Variants in GTF2IRD1 observed in about 807,000 individuals in gnomAD.
The protein encoded by GTF2IRD1 is GTF2I repeat domain containing 1.
Under a neutral mutation model 113.2 loss-of-function variants are expected in GTF2IRD1, and 26 were observed. The observed-to-expected ratio is 0.23, with a 90% CI of 0.17 to 0.32. The LOEUF (loss-of-function observed/expected upper bound fraction) is 0.32, where lower values mean the gene tolerates loss of function less well. Among genes scored for constraint, GTF2IRD1 ranks in the 10% least tolerant of loss-of-function variants. GTF2IRD1 has a pLI of 1.00. For missense variants in GTF2IRD1, 864 were observed against 1,280.8 expected (o/e 0.67, Z 4.97); for synonymous variants, 484 against 529.1 (o/e 0.91, Z 1.17).
intron 25 of GTF2IRD1, among the ~76,000 whole-genome samples, chr7:74,598,550 C>T (rs1351186239): frequency 1.3e-5 from 2 of 151,526 alleles, no homozygotes; most frequent in Non-Finnish European, 2.9e-5. Context: ...CAGGAAGCGG[C>T]GGTTGCAGTG....
At chr7:74,596,917 C>T (rs1185542038) in intron 25 of GTF2IRD1, among the ~76,000 whole-genome samples, 3 of 152,122 alleles carry the variant, frequency 2.0e-5, no homozygotes, top group Non-Finnish European at 4.4e-5. Context: ...AAAAATTAGC[C>T]AGGCATGGTA....
chr7:74,513,288 G>A (rs1327641002), intron 3 of GTF2IRD1, among the ~76,000 whole-genome samples: 1 of 152,148 alleles, frequency 6.6e-6, no homozygotes, highest in Non-Finnish European at 1.5e-5. Flanking sequence ...AGGACCAAAT[G>A]CACTTATGCC....
At chr7:74,536,832 C>T (rs1427246786) in intron 11 of GTF2IRD1, among the ~76,000 whole-genome samples, 4 of 151,880 alleles carry the variant, frequency 2.6e-5, no homozygotes, top group Non-Finnish European at 5.9e-5. Context: ...CACACCAGGC[C>T]GGACTTGGTG....
rs1243826177 is a variant in GTF2IRD1, at chr7:74,528,803, G to GTGGATGGA, written c.1091-896_1091-889dup. 3.2e-3 allele frequency among the ~76,000 whole-genome samples: 162 copies of GTGGATGGA among 51,398 alleles called. 1 individual carries two copies. Among genetic ancestry groups the GTGGATGGA allele is most frequent in the African/African-American group, 7.1e-3 (85 of 11,958 alleles). The allele number at this position is 51,398 out of a possible 152,430, so 33.7% of individuals were successfully genotyped here. On this transcript the variant is annotated intron_variant, in intron 8 of 26. Transcript: ENST00000424337. ...GATATACAGCCGGGTGGGTGGGTGG[G>GTGGATGGA]TGGATGGATGGATGGATGGATGGAT...
intron 1 of GTF2IRD1, among the ~76,000 whole-genome samples, chr7:74,458,658 CTT>C (rs71094791): frequency 3.0e-3 from 418 of 139,880 alleles, no homozygotes; most frequent in Middle Eastern, 3.7e-3. Context: ...ACCCCCCTTT[CTT>C]TTTTTTTTTT....
At chr7:74,510,796 C>T (rs1247194142) in intron 2 of GTF2IRD1, among the ~76,000 whole-genome samples, 1 of 151,974 alleles carries the variant, frequency 6.6e-6, no homozygotes, top group Non-Finnish European at 1.5e-5. Flanking sequence ...CGCATATAAT[C>T]CCAGCACCCT....
At chr7:74,576,459 G>T (rs1801070645) in intron 22 of GTF2IRD1, among the ~76,000 whole-genome samples, 1 of 150,584 alleles carries the variant, frequency 6.6e-6, no homozygotes, top group Admixed American at 6.6e-5. Flanking sequence ...TACTCGGGAG[G>T]CTGAGGCAAG....
intron 9 of GTF2IRD1, among the ~76,000 whole-genome samples, chr7:74,534,509 G>A (rs1354890149): frequency 2.0e-5 from 3 of 152,128 alleles, no homozygotes; most frequent in Non-Finnish European, 4.4e-5. Flanking sequence ...GGCTGAGGGA[G>A]GAGAATCCCT....
At chr7:74,594,060 A>G (rs1398809362) in intron 24 of GTF2IRD1, among the ~76,000 whole-genome samples, 2 of 149,720 alleles carry the variant, frequency 1.3e-5, no homozygotes, top group Non-Finnish European at 3.0e-5. Flanking sequence ...TTAGCCGGGC[A>G]TGGTGGTACA....
At position 74,596,231 on chromosome 7, in the gene GTF2IRD1, G is replaced by T. The variant is rs149850211; in HGVS notation, c.2629+1180G>T. ...AATCCCAGCACTTTGGAAGGCTGAG[G>T]TGGGTGGATCACCTGAGGTCAAGAG... On this transcript the variant is annotated intron_variant, in intron 25 of 26. Coordinates refer to ENST00000424337, the MANE Select transcript of GTF2IRD1 (RefSeq NM_005685.4). 3.3e-5 allele frequency among the ~76,000 whole-genome samples: 5 copies of T among 152,250 alleles called. No individual in the cohort carries two copies. In the East Asian group the frequency reaches 9.7e-4, roughly 29 times the overall value.
intron 1 of GTF2IRD1, among the ~76,000 whole-genome samples, chr7:74,471,622 GT>G (rs1296488802): frequency 7.6e-6 from 1 of 130,858 alleles, no homozygotes; most frequent in East Asian, 2.6e-4. Flanking sequence ...ACCAAACTAT[GT>G]TTACTGGGTA....
chr7:74,602,559 GC>G lies in GTF2IRD1; in HGVS notation c.*128del, dbSNP rs1554374481. The G allele has an allele frequency of 7.2e-6, 4 of 552,174 alleles. No individual in the cohort carries two copies. 34.2% of individuals were successfully genotyped at this position (552,174 alleles called of 1,614,324 possible). A position where few individuals can be genotyped will look rare whatever the true frequency, so the allele number is the denominator to read the frequency against. Reference sequence around the variant, plus strand: ...CCAATGATTTTTACACTATATTCCTGCCACCAAGGCCTTTTTAAATAAGTAA... The same window carrying G: ...CCAATGATTTTTACACTATATTCCTGCACCAAGGCCTTTTTAAATAAGTAA... On this transcript the variant is annotated 3_prime_UTR_variant, in exon 27 of 27. Transcript: ENST00000424337.
chr7:74,553,199 G>A (rs781930867), intron 17 of GTF2IRD1, among the ~76,000 whole-genome samples: 8 of 149,612 alleles, frequency 5.3e-5, no homozygotes, highest in Non-Finnish European at 1.0e-4. Flanking sequence ...GTGCTGTCTC[G>A]GCTCACTGTA....
chr7:74,503,350 T>C (rs1554340036), intron 1 of GTF2IRD1, among the ~76,000 whole-genome samples: 1 of 152,108 alleles, frequency 6.6e-6, no homozygotes, highest in South Asian at 2.1e-4. Flanking sequence ...GATGTGACAG[T>C]CGCTCTTCTA....
chr7:74,456,687 A>G (rs1425851449), intron 1 of GTF2IRD1, among the ~76,000 whole-genome samples: 1 of 151,908 alleles, frequency 6.6e-6, no homozygotes, highest in African/African-American at 2.4e-5. Context: ...CATCTAAAAA[A>G]AAAAAAAGAA....
At chr7:74,496,573 G>GGTGTGCATGTGTGT (rs58096264) in intron 1 of GTF2IRD1, among the ~76,000 whole-genome samples, 2 of 138,714 alleles carry the variant, frequency 1.4e-5, no homozygotes, top group Admixed American at 7.2e-5. Flanking sequence ...TACATGTGTG[G>GGTGTGCATGTGTGT]GTGTGCATGT....
intron 1 of GTF2IRD1, among the ~76,000 whole-genome samples, chr7:74,457,324 T>A (rs1354082697): frequency 6.6e-6 from 1 of 152,166 alleles, no homozygotes; most frequent in Non-Finnish European, 1.5e-5. Context: ...AACATTGATC[T>A]TACTCAGATG....
intron 1 of GTF2IRD1, among the ~76,000 whole-genome samples, chr7:74,489,298 T>TGGTC (rs1286024368): frequency 6.6e-6 from 1 of 152,140 alleles, no homozygotes; most frequent in Non-Finnish European, 1.5e-5. Context: ...TTGGCTGTCA[T>TGGTC]GGTCGGGGGT....
chr7:74,589,736 C>A, intron 22 of GTF2IRD1, 115 bp from the exon 23 acceptor site: 1 of 634,352 alleles, frequency 1.6e-6, no homozygotes, highest in Non-Finnish European at 2.9e-6. Flanking sequence ...AGGAGTGGGT[C>A]GGCCCTGCAG....
Sources: allele counts gnomAD v4.1 joint callset (sites outside exome capture counted in the v4.1 genomes callset), GRCh38; gene constraint gnomAD v4.1.1; transcripts MANE v1.5; gene names NCBI Gene and HGNC (gene_info 2026-07-23, HGNC 2026-07-21).